Variants in LRP1B observed in about 807,000 individuals in gnomAD.
The protein encoded by LRP1B is LDL receptor related protein 1B.
LRP1B carries 217 observed loss-of-function variants against 556.6 expected under a neutral mutation model. The ratio of observed to expected loss-of-function variants is 0.39; its 90% CI spans 0.35 to 0.44. LRP1B has a LOEUF of 0.44. Among genes scored for constraint, LRP1B ranks in the 20% least tolerant of loss-of-function variants. LRP1B has a pLI of 1.00. For missense variants in LRP1B, 5,053 were observed against 5,620.8 expected, an observed-to-expected ratio of 0.90 and a Z score of 3.23; for synonymous variants, 2,047 against 1,865.8, an observed-to-expected ratio of 1.10 and a Z score of -2.50.
At chr2:140,311,692 A>C (rs956814475) in intron 83 of LRP1B, among the ~76,000 whole-genome samples, 2 of 151,956 alleles carry the variant, frequency 1.3e-5, no homozygotes, top group Non-Finnish European at 2.9e-5. Context: ...CAAAAAAGGC[A>C]AGTAGAACCA....
Position 140,270,260 on chromosome 2 carries a change from G to A in LRP1B, c.13229C>T (p.Thr4410Ile), listed in dbSNP as rs772444623. ...TACTCACAGACACACAGGTACATTT[G>A]TCTCGGGGTCCAGCTGGCATGTGCC... ...NGGTCQLDPE[T>I]NVPVCLCSTN... is the part of the protein sequence containing the mutation. The change falls in exon 86 of 91, where the codon ACA (threonine) becomes ATA (isoleucine). Residue 4410 changes from threonine to isoleucine, a missense_variant. Physicochemically the swap from Thr to Ile is moderately conservative, Grantham distance 89 (BLOSUM62 -1). Transcript: ENST00000389484. The A allele has an allele frequency of 1.2e-6, 2 of 1,611,610 alleles. No individual in the cohort carries two copies. Among genetic ancestry groups the A allele is most frequent in the African/African-American group, 1.3e-5 (1 of 74,766 alleles).
At chr2:141,593,344 A>T (rs1293762994) in intron 2 of LRP1B, among the ~76,000 whole-genome samples, 1 of 152,172 alleles carries the variant, frequency 6.6e-6, no homozygotes, top group Non-Finnish European at 1.5e-5. Context: ...GAATGATACT[A>T]CTTTGTTGTT....
intron 2 of LRP1B, among the ~76,000 whole-genome samples, chr2:141,611,776 C>T (rs1688116472): frequency 1.3e-5 from 2 of 152,118 alleles, no homozygotes; most frequent in Non-Finnish European, 2.9e-5. Flanking sequence ...TTCTGGGAAA[C>T]GTTTTCACCT....
At chr2:141,248,606 G>A (rs535473790) in intron 4 of LRP1B, among the ~76,000 whole-genome samples, 11 of 152,250 alleles carry the variant, frequency 7.2e-5, no homozygotes, top group Middle Eastern at 6.8e-3. Flanking sequence ...TGAAGCAAGG[G>A]TGTGTGAAGG....
intron 1 of LRP1B, among the ~76,000 whole-genome samples, chr2:141,951,771 G>A (rs1212390523): frequency 6.6e-6 from 1 of 151,908 alleles, no homozygotes; most frequent in African/African-American, 2.4e-5. Context: ...TATAAATTAG[G>A]GGGTATTCAA....
At chr2:140,418,065 G>A (rs1685275399) in intron 66 of LRP1B, among the ~76,000 whole-genome samples, 1 of 152,172 alleles carries the variant, frequency 6.6e-6, no homozygotes, top group South Asian at 2.1e-4. Context: ...TGCAAAACTT[G>A]CCTAGTTGTG....
intron 7 of LRP1B, among the ~76,000 whole-genome samples, chr2:141,133,381 A>G (rs369254950): frequency 1.3e-5 from 2 of 151,354 alleles, no homozygotes; most frequent in Non-Finnish European, 2.9e-5. Flanking sequence ...TGTTAAGGGA[A>G]TATTCTAATA....
In LRP1B at chr2:140,700,340, C is replaced by A. The variant is rs1686587070; in HGVS notation, c.6709G>T (p.Gly2237Cys). 4 of 1,612,814 alleles carry A rather than the reference C, an allele frequency of 2.5e-6. No individual in the cohort carries two copies. Among genetic ancestry groups the A allele is most frequent in the South Asian group, 2.2e-5 (2 of 90,990 alleles). Residue 2237 changes from glycine to cysteine, a missense_variant, in exon 41 of 91, where the codon GGT (glycine) becomes TGT (cysteine). By Grantham distance (159) the Gly-to-Cys change is radical (BLOSUM62 -3). This residue lies in a region of LRP1B where 3,619 missense variants were observed against 3,931.9 expected (regional missense o/e 0.92). Transcript: ENST00000389484. ...LAFDYNQRRK[G>C]TNRIFYSDAH... ...TCACTGTAAAAGATTCGGTTGGTACCTTTTCTTCTTTGATTATAGTCAAAA... is the reference window on the plus strand; with the variant it reads ...TCACTGTAAAAGATTCGGTTGGTACATTTTCTTCTTTGATTATAGTCAAAA...
At chr2:140,950,465 A>C (rs1460717669) in intron 19 of LRP1B, 63 bp from the exon 20 acceptor site, 2 of 1,319,480 alleles carry the variant, frequency 1.5e-6, no homozygotes, top group Non-Finnish European at 2.1e-6. Flanking sequence ...TTTCTTATGA[A>C]ATATCTAACT....
intron 3 of LRP1B, among the ~76,000 whole-genome samples, chr2:141,458,545 C>A (rs2105036650): frequency 6.6e-6 from 1 of 152,228 alleles, no homozygotes; most frequent in African/African-American, 2.4e-5. Flanking sequence ...CGGTACCTAT[C>A]CAAAGCAAAT....
At chr2:141,011,038 T>C (rs1026678794) in intron 14 of LRP1B, among the ~76,000 whole-genome samples, 3 of 148,338 alleles carry the variant, frequency 2.0e-5, no homozygotes, top group African/African-American at 7.4e-5. Flanking sequence ...TTTTTATATA[T>C]ATATAAATAA....
intron 2 of LRP1B, among the ~76,000 whole-genome samples, chr2:141,587,595 T>C (rs2105289460): frequency 6.6e-6 from 1 of 152,282 alleles, no homozygotes; most frequent in African/African-American, 2.4e-5. Flanking sequence ...ATTCCTCCCC[T>C]TTTGAGACAA....
At chr2:142,049,367 TAA>T (rs1704368761) in intron 1 of LRP1B, among the ~76,000 whole-genome samples, 1 of 152,142 alleles carries the variant, frequency 6.6e-6, no homozygotes, top group Admixed American at 6.6e-5. Flanking sequence ...CCACTCAGCC[TAA>T]TATAGCTTTA....
chr2:140,696,893 A>C lies in LRP1B; in HGVS notation c.6799+3357T>G, dbSNP rs1191726227. ...AGGACCACTGTCCTAAATGATCCAC[A>C]AATGTGTCACAAATACAGTACAATA... On this transcript the variant is annotated intron_variant, in intron 41 of 90. Transcript: ENST00000389484. Among the ~76,000 whole-genome samples, 6 of 152,280 alleles carry C rather than the reference A, an allele frequency of 3.9e-5. No homozygotes were observed. In the East Asian group the frequency reaches 1.2e-3, roughly 29 times the overall value.
At chr2:140,665,243 T>A (rs890966655) in intron 41 of LRP1B, among the ~76,000 whole-genome samples, 1 of 152,206 alleles carries the variant, frequency 6.6e-6, no homozygotes. Flanking sequence ...TGTCAAATAT[T>A]TTTTTCTCCT....
At chr2:141,815,805 T>C (rs1244714784) in intron 1 of LRP1B, among the ~76,000 whole-genome samples, 1 of 152,196 alleles carries the variant, frequency 6.6e-6, no homozygotes, top group Non-Finnish European at 1.5e-5. Flanking sequence ...CCACTCACTC[T>C]TTGGGTCCAT....
At chr2:141,566,778 G>A (rs1487609773) in intron 2 of LRP1B, among the ~76,000 whole-genome samples, 1 of 151,992 alleles carries the variant, frequency 6.6e-6, no homozygotes, top group South Asian at 2.1e-4. Flanking sequence ...AGGATCACTT[G>A]AGCCCAGGTG....
At chr2:141,014,637 T>G (rs1697851227) in intron 13 of LRP1B, among the ~76,000 whole-genome samples, 1 of 152,084 alleles carries the variant, frequency 6.6e-6, no homozygotes, top group South Asian at 2.1e-4. Flanking sequence ...TTAACTGAAT[T>G]CTTCTCACCA....
chr2:140,990,846 A>C (rs1359768598), intron 16 of LRP1B, among the ~76,000 whole-genome samples: 2 of 152,156 alleles, frequency 1.3e-5, no homozygotes, highest in African/African-American at 4.8e-5. Flanking sequence ...CCCAGTAGTT[A>C]CACTTCGTAT....
Sources: allele counts gnomAD v4.1 joint callset (sites outside exome capture counted in the v4.1 genomes callset), GRCh38; gene constraint gnomAD v4.1.1; regional missense constraint gnomAD v4.1.1; transcripts MANE v1.5; gene names NCBI Gene and HGNC (gene_info 2026-07-23, HGNC 2026-07-21).